Variants in TNRC6A observed in about 807,000 individuals in gnomAD.
TNRC6A encodes trinucleotide repeat containing adaptor 6A.
Under a neutral mutation model 221.2 loss-of-function variants are expected in TNRC6A, and 44 were observed. The ratio of observed to expected loss-of-function variants is 0.20; its 90% CI spans 0.16 to 0.26. The LOEUF (loss-of-function observed/expected upper bound fraction) is 0.26, where lower values mean the gene tolerates loss of function less well. Ranked by LOEUF, TNRC6A falls within the 10% of genes least tolerant of loss-of-function variation. The probability of loss-of-function intolerance (pLI) is 1.00; values close to 1 mark genes in which losing one functional copy is unlikely to be tolerated. For synonymous variants in TNRC6A, 847 were observed against 838.5 expected, an observed-to-expected ratio of 1.01 and a Z score of -0.18; for missense variants, 2,199 against 2,404.4, an observed-to-expected ratio of 0.91 and a Z score of 1.79.
At chr16:24,811,342 C>T (rs980534487) in intron 18 of TNRC6A, among the ~76,000 whole-genome samples, 2 of 152,128 alleles carry the variant, frequency 1.3e-5, no homozygotes. Flanking sequence ...CTCTATGGGC[C>T]TAAGATTCTG....
Position 24,730,200 on chromosome 16 carries a change from C to G in TNRC6A, c.6-53C>G, listed in dbSNP as rs1274633623. 5.3e-6 allele frequency: 8 copies of G among 1,518,872 alleles called. No homozygotes were observed. The Admixed American group carries it at 5.9e-5, about 11-fold the overall frequency. 94.1% of individuals were successfully genotyped at this position (1,518,872 alleles called of 1,614,324 possible). A position where few individuals can be genotyped will look rare whatever the true frequency, so the allele number is the denominator to read the frequency against. ...AGCAGCTCCGTTTTCACGCGCATCT[C>G]GTTTTTGTGTGTGTGTTTTTGTTTT... On this transcript the variant is annotated intron_variant, in intron 1 of 24. Coordinates refer to ENST00000395799, the MANE Select transcript of TNRC6A (RefSeq NM_014494.4).
At chr16:24,653,908 T>A (rs1902807766) in intron 2 of TNRC6A, among the ~76,000 whole-genome samples, 1 of 152,180 alleles carries the variant, frequency 6.6e-6, no homozygotes, top group African/African-American at 2.4e-5. Context: ...AATTATTAAC[T>A]TTTTTTGGCA....
At position 24,776,406 on chromosome 16, in the gene TNRC6A, G is replaced by A. The variant is rs780999904; in HGVS notation, c.164-527G>A. On this transcript the variant is annotated intron_variant, in intron 4 of 24. Coordinates refer to ENST00000395799, the MANE Select transcript of TNRC6A (RefSeq NM_014494.4). The stretch of plus-strand genomic sequence containing the variant: ...AGATATTACATTTTTAGCAAATACA[G>A]ACATTGTTAACTTAGCCTTTTTGTA... 1,167 of 985,386 alleles carry A rather than the reference G, an allele frequency of 1.2e-3. 2 individuals are homozygous for A. Among genetic ancestry groups the A allele is most frequent in the Middle Eastern group, 2.6e-3 (5 of 1,914 alleles). The allele number at this position is 985,386 out of a possible 1,614,324, so 61.0% of individuals were successfully genotyped here. A position where few individuals can be genotyped will look rare whatever the true frequency, so the allele number is the denominator to read the frequency against.
intron 1 of TNRC6A, among the ~76,000 whole-genome samples, chr16:24,611,210 G>A (rs557567130): frequency 4.1e-4 from 63 of 152,114 alleles, no homozygotes; most frequent in African/African-American, 1.5e-3. Flanking sequence ...TTATTTTTCT[G>A]GATACCTAGA....
chr16:24,791,354 A>G lies in TNRC6A; in HGVS notation c.2712A>G (p.Pro904=). The change falls in exon 6 of 25, where the codon CCA becomes CCG. Residue 904 remains proline (P), a synonymous_variant. Coordinates refer to ENST00000395799, the MANE Select transcript of TNRC6A (RefSeq NM_014494.4). ...SSFTWGNNIN[P]NNSSGWDESS... ...TCACTTGGGGAAACAACATAAATCCAAATAATTCATCAGGATGGGATGAAT... is the reference window on the plus strand; with the variant it reads ...TCACTTGGGGAAACAACATAAATCCGAATAATTCATCAGGATGGGATGAAT... 1.3e-6 allele frequency: 2 copies of G among 1,597,662 alleles called. No individual in the cohort carries two copies. The highest frequency in any genetic ancestry group is 1.3e-5 in the African/African-American group (1 of 74,678).
chr16:24,736,121 C>T (rs1195487667), intron 2 of TNRC6A, among the ~76,000 whole-genome samples: 3 of 152,154 alleles, frequency 2.0e-5, no homozygotes, highest in East Asian at 3.9e-4. Context: ...GCCGAAATTG[C>T]GCCATTGCAC....
intron 2 of TNRC6A, among the ~76,000 whole-genome samples, chr16:24,676,568 A>G (rs960882523): frequency 6.6e-6 from 1 of 151,972 alleles, no homozygotes; most frequent in Non-Finnish European, 1.5e-5. Context: ...TGATCTTCCC[A>G]CCTCAGCCTC....
chr16:24,817,659 A>T (rs933671619), intron 20 of TNRC6A, among the ~76,000 whole-genome samples: 1 of 152,202 alleles, frequency 6.6e-6, no homozygotes, highest in Non-Finnish European at 1.5e-5. Flanking sequence ...TTAATTTTTT[A>T]AATATTAAAA....
At chr16:24,752,324 A>G (rs778355218) in intron 3 of TNRC6A, among the ~76,000 whole-genome samples, 2 of 152,164 alleles carry the variant, frequency 1.3e-5, no homozygotes, top group African/African-American at 2.4e-5. Flanking sequence ...GGATACAAAG[A>G]AAGGAGAAAT....
At chr16:24,771,582 T>TTGTTATGTTACGTTA (rs2057606420) in intron 4 of TNRC6A, among the ~76,000 whole-genome samples, 2 of 95,480 alleles carry the variant, frequency 2.1e-5, no homozygotes, top group African/African-American at 8.7e-5. Flanking sequence ...TTATGTTATG[T>TTGTTATGTTACGTTA]TGTTATGTTA....
intron 20 of TNRC6A, 125 bp from the exon 21 acceptor site, chr16:24,818,468 C>A: frequency 1.4e-6 from 1 of 733,080 alleles, no homozygotes; most frequent in Non-Finnish European, 2.4e-6. Context: ...CACCATCTTA[C>A]CCTGAGTGGA....
At chr16:24,626,649 CT>C (rs5816260) in intron 1 of TNRC6A, among the ~76,000 whole-genome samples, 25,694 of 126,402 alleles carry the variant, frequency 0.2, 1,372 homozygotes, top group East Asian at 0.32. Context: ...GATACTATTT[CT>C]TTTTTTTTTT....
chr16:24,729,868 CT>C, intron 1 of TNRC6A, 22 bp downstream of exon 1: 1 of 1,282,380 alleles, frequency 7.8e-7, no homozygotes, highest in Non-Finnish European at 1.0e-6. Flanking sequence ...AAGGGCCTCC[CT>C]CCGGGCGGGA....
rs761155812 is a variant in TNRC6A, at chr16:24,790,419, A to G, written c.1777A>G (p.Asn593Asp). ...ATCATGGGGAAGTGGAAATGGCGCAAATTCTGGAGGAAGTCGAAGAGGATG... is the reference window on the plus strand; with the variant it reads ...ATCATGGGGAAGTGGAAATGGCGCAGATTCTGGAGGAAGTCGAAGAGGATG... The part of the protein sequence containing the change: ...STSWGSGNGA[N>D]SGGSRRGWGT... The change falls in exon 6 of 25, where the codon AAT becomes GAT. Residue 593 changes from asparagine to aspartate, a missense_variant. This residue lies in a region of TNRC6A where 1,405 missense variants were observed against 1,400.2 expected (regional missense o/e 1.00). Transcript: ENST00000395799. The G allele has an allele frequency of 1.9e-6, 3 of 1,614,102 alleles. No homozygotes were observed. Among genetic ancestry groups the G allele is most frequent in the African/African-American group, 2.7e-5 (2 of 74,930 alleles).
chr16:24,638,721 A>C (rs932264341), intron 1 of TNRC6A, among the ~76,000 whole-genome samples: 11 of 148,700 alleles, frequency 7.4e-5, no homozygotes, highest in Admixed American at 6.7e-5. Context: ...AAAAAAAAAA[A>C]CAAAAAACAA....
intron 2 of TNRC6A, among the ~76,000 whole-genome samples, chr16:24,641,922 A>G (rs911501072): frequency 2.6e-5 from 4 of 152,248 alleles, no homozygotes; most frequent in African/African-American, 9.6e-5. Context: ...CTTTGGGAAA[A>G]ACAATGGGAG....
At chr16:24,804,507 TTTC>T (rs1251618911) in intron 12 of TNRC6A, 188 bp downstream of exon 12, 1 of 1,109,452 alleles carries the variant, frequency 9.0e-7, no homozygotes, top group East Asian at 2.6e-5. Context: ...CATTTATATT[TTTC>T]TTCTTAATCC....
chr16:24,758,358 A>G lies in TNRC6A; in HGVS notation c.161A>G (p.Lys54Arg), dbSNP rs2057295151. Residue 54 changes from lysine to arginine, a missense_variant and splice_region_variant, in exon 4 of 25, where the codon AAA becomes AGA. Transcript: ENST00000395799. ...AQKKATEQKIKVPEQIKPSVS... is the reference protein window; with the variant it reads ...AQKKATEQKIRVPEQIKPSVS... ...TTTTAGGCCACTGAACAAAAAATCA[A>G]AGGTACGTTGTTTAAAGCTATTTTT... The G allele has an allele frequency of 6.2e-7, 1 of 1,610,566 alleles. No homozygotes were observed. The highest frequency in any genetic ancestry group is 1.3e-5 in the African/African-American group (1 of 74,926).
intron 21 of TNRC6A, chr16:24,819,815 G>A (rs1325090518): frequency 5.7e-5 from 16 of 282,054 alleles, no homozygotes; most frequent in South Asian, 3.8e-4. Context: ...ACTCAATTAC[G>A]GTTATTAAGA....
Sources: gnomAD v4.1 joint callset for allele counts (sites outside exome capture counted in the v4.1 genomes callset) on GRCh38, gnomAD v4.1.1 for gene constraint, gnomAD v4.1.1 regional missense constraint, MANE v1.5 for transcripts, NCBI Gene and HGNC (gene_info 2026-07-23, HGNC 2026-07-21) for gene names.